NSMCE1: variants seen among roughly 807,000 people sequenced by gnomAD.
NSMCE1 encodes the protein non-structural maintenance of chromosomes element 1 homolog.
A neutral mutation model predicts 29.6 loss-of-function variants in NSMCE1; 18 were observed. That is an observed-to-expected ratio of 0.61 (90% CI 0.42 to 0.90). The LOEUF is 0.90. Ranked by LOEUF, NSMCE1 falls within the 40% of genes least tolerant of loss-of-function variation. NSMCE1 has a pLI of 0.00. For missense variants in NSMCE1, 314 were observed against 343.6 expected, an observed-to-expected ratio of 0.91 and a Z score of 0.68; for synonymous variants, 124 against 133.4, an observed-to-expected ratio of 0.93 and a Z score of 0.49.
chr16:27,251,414 A>C (rs970803868), intron 2 of NSMCE1, among the ~76,000 whole-genome samples: 1 of 151,876 alleles, frequency 6.6e-6, no homozygotes, highest in African/African-American at 2.4e-5. Context: ...GGTGAATTAC[A>C]CTGATTTTCA....
intron 1 of NSMCE1, among the ~76,000 whole-genome samples, chr16:27,263,588 T>C (rs935771712): frequency 6.6e-6 from 1 of 152,104 alleles, no homozygotes; most frequent in Non-Finnish European, 1.5e-5. Context: ...AATATAACTA[T>C]CGGGTACTGG....
chr16:27,233,536 A>T (rs1243108973), intron 4 of NSMCE1, among the ~76,000 whole-genome samples: 1 of 152,226 alleles, frequency 6.6e-6, no homozygotes, highest in African/African-American at 2.4e-5. Flanking sequence ...GGTGGCTAAT[A>T]ATCCCCAGGA....
intron 5 of NSMCE1, 27 bp from the exon 6 acceptor site, chr16:27,226,863 C>A (rs141143621): frequency 2.7e-6 from 4 of 1,455,380 alleles, no homozygotes; most frequent in African/African-American, 2.8e-5. Context: ...GAGGTGGCCA[C>A]CCTCAGCCAG....
At chr16:27,260,056 G>A (rs530617365) in intron 1 of NSMCE1, among the ~76,000 whole-genome samples, 4 of 152,302 alleles carry the variant, frequency 2.6e-5, no homozygotes, top group Admixed American at 2.6e-4. Context: ...ATACAAGTTG[G>A]AAGGTCTAAA....
At chr16:27,247,553 C>T (rs2083970448) in intron 2 of NSMCE1, among the ~76,000 whole-genome samples, 1 of 152,208 alleles carries the variant, frequency 6.6e-6, no homozygotes, top group East Asian at 1.9e-4. Context: ...CATCCTATCC[C>T]TCCTCTATGC....
chr16:27,228,052 T>C lies in NSMCE1; in HGVS notation c.484-1216A>G, dbSNP rs530932647. Among the ~76,000 whole-genome samples, 7 of 152,306 alleles carry C rather than the reference T, an allele frequency of 4.6e-5. No homozygotes were observed. In the South Asian group the frequency reaches 1.4e-3, roughly 32 times the overall value. On this transcript the variant is annotated intron_variant, in intron 5 of 7. Transcript: ENST00000361439. ...CGCCCACCTCGGCCTTCCAAAGTGC[T>C]GGGATTGCAGGCGTGAGTCACCGCA...
chr16:27,240,917 T>A lies in NSMCE1; in HGVS notation c.137-5618A>T, dbSNP rs1322092556. ...TCAAGAGCTCATCTCTACAAAAAAA[T>A]TTAAAAATCAGCCAGGCATGGTGGC... On this transcript the variant is annotated intron_variant, in intron 2 of 7. Coordinates refer to ENST00000361439, the MANE Select transcript of NSMCE1 (RefSeq NM_145080.4). 2.6e-5 allele frequency among the ~76,000 whole-genome samples: 4 copies of A among 152,092 alleles called. 1 individual carries two copies. In the South Asian group the frequency reaches 8.3e-4, roughly 32 times the overall value.
chr16:27,240,217 A>G (rs989279960), intron 2 of NSMCE1, among the ~76,000 whole-genome samples: 10 of 152,026 alleles, frequency 6.6e-5, no homozygotes, highest in African/African-American at 2.4e-4. Context: ...TCTCGTCTAT[A>G]CCCTCCTGCA....
At chr16:27,241,839 G>A (rs1049748159) in intron 2 of NSMCE1, 1 of 455,468 alleles carries the variant, frequency 2.2e-6, no homozygotes, top group African/African-American at 2.0e-5. Flanking sequence ...AGGCGAGCCA[G>A]AAAGGATCGC....
chr16:27,226,474 A>C (rs774817403), intron 6 of NSMCE1: 8 of 476,614 alleles, frequency 1.7e-5, no homozygotes, highest in Non-Finnish European at 3.0e-5. Context: ...GAGAAAAATA[A>C]AGTAAGCGAG....
intron 2 of NSMCE1, among the ~76,000 whole-genome samples, chr16:27,246,675 A>C (rs182623126): frequency 1.3e-5 from 2 of 152,190 alleles, no homozygotes; most frequent in Non-Finnish European, 2.9e-5. Context: ...TTTTATGTAG[A>C]TACAGTGTTT....
rs568028514 is a variant in NSMCE1 at position 27,234,281 on chromosome 16, G to T, written c.259-16C>A. The T allele has an allele frequency of 1.3e-6, 2 of 1,578,454 alleles. No homozygotes were observed. The highest frequency in any genetic ancestry group is 1.7e-6 in the Non-Finnish European group (2 of 1,147,342). ...CAAGATTCACCTAAGAAATAAGTCA[G>T]CACGACAGTCAGGCTGTGCTCTTTG... is the stretch of plus-strand genomic sequence containing the variant. On this transcript the variant is annotated splice_polypyrimidine_tract_variant and intron_variant, in intron 3 of 7. Coordinates refer to ENST00000361439, the MANE Select transcript of NSMCE1 (RefSeq NM_145080.4).
intron 2 of NSMCE1, among the ~76,000 whole-genome samples, chr16:27,245,258 A>G (rs2083943369): frequency 6.6e-6 from 1 of 152,264 alleles, no homozygotes; most frequent in African/African-American, 2.4e-5. Context: ...AACTTTCCCC[A>G]GACCCTGGAA....
intron 2 of NSMCE1, among the ~76,000 whole-genome samples, chr16:27,252,979 G>T (rs561994611): frequency 6.6e-5 from 10 of 152,156 alleles, no homozygotes; most frequent in South Asian, 2.1e-4. Flanking sequence ...AAGAGCTTCG[G>T]GTTATTAAAC....
intron 2 of NSMCE1, among the ~76,000 whole-genome samples, chr16:27,247,514 G>A (rs901314210): frequency 6.6e-6 from 1 of 152,080 alleles, no homozygotes; most frequent in Non-Finnish European, 1.5e-5. Context: ...AAGTTTCCTT[G>A]TGCCTCTTTG....
At position 27,249,039 on chromosome 16, in the gene NSMCE1, A is replaced by C. The variant is rs1006928125; in HGVS notation, c.136+8396T>G. On this transcript the variant is annotated intron_variant, in intron 2 of 7. Transcript: ENST00000361439. ...GAGACGGAGTTTTGTCATGTTGCCC[A>C]GGCTGGCCTCAAACTCCTGAGCTCA... is the stretch of plus-strand genomic sequence containing the variant. Among the ~76,000 whole-genome samples the C allele has an allele frequency of 3.3e-5, 5 of 152,032 alleles. No individual in the cohort carries two copies. The South Asian group carries it at 1.0e-3, about 32-fold the overall frequency.
chr16:27,235,268 G>A lies in NSMCE1; in HGVS notation c.168C>T (p.Phe56=), dbSNP rs202238055. Residue 56 remains phenylalanine (F), a synonymous_variant, in exon 3 of 8, where the codon TTC becomes TTT. Coordinates refer to ENST00000361439, the MANE Select transcript of NSMCE1 (RefSeq NM_145080.4). The stretch of plus-strand genomic sequence containing the variant: ...CCAAGACACTGTTAATGTTGTTGAT[G>A]AAGTCCTCCAACTTATCTACGGTGG... ...RNATVDKLED[F]INNINSVLES... 6.2e-7 allele frequency: 1 copy of A among 1,613,720 alleles called. No homozygotes were observed. The highest frequency in any genetic ancestry group is 2.2e-5 in the East Asian group (1 of 44,864).
chr16:27,234,309 T>C, intron 3 of NSMCE1, 44 bp from the exon 4 acceptor site: 4 of 1,384,370 alleles, frequency 2.9e-6, no homozygotes, highest in Non-Finnish European at 4.1e-6. Flanking sequence ...GCTCTTTGCG[T>C]GTTGGTTAAC....
rs77754207 is a variant in NSMCE1, at chr16:27,239,483, T to C, written c.137-4184A>G. 8.1e-3 allele frequency among the ~76,000 whole-genome samples: 1,237 copies of C among 152,362 alleles called. 14 individuals are homozygous for C. The highest frequency in any genetic ancestry group is 0.028 in the African/African-American group (1,165 of 41,582). On this transcript the variant is annotated intron_variant, in intron 2 of 7. Coordinates refer to ENST00000361439, the MANE Select transcript of NSMCE1 (RefSeq NM_145080.4). The stretch of plus-strand genomic sequence containing the variant: ...GAATAAAGTCCGTATGGTGAGATTC[T>C]GAGACAACTACTTTCAGTCTTAGAA...
Sources: allele counts gnomAD v4.1 joint callset (sites outside exome capture counted in the v4.1 genomes callset), GRCh38; gene constraint gnomAD v4.1.1; transcripts MANE v1.5; gene names NCBI Gene and HGNC (gene_info 2026-07-23, HGNC 2026-07-21).